NAA60: variants seen among roughly 807,000 people sequenced by gnomAD.
The protein encoded by NAA60 is N-alpha-acetyltransferase 60.
A neutral mutation model predicts 26.1 loss-of-function variants in NAA60; 8 were observed. That is an observed-to-expected ratio of 0.31 (90% CI 0.18 to 0.55). The LOEUF (loss-of-function observed/expected upper bound fraction) is 0.55, where lower values mean the gene tolerates loss of function less well. NAA60 is among the 20% of genes least tolerant of loss of function. The pLI is 0.93. For synonymous variants in NAA60, 131 were observed against 122.5 expected (o/e 1.07, Z -0.46); for missense variants, 290 against 311.3 (o/e 0.93, Z 0.51).
intron 2 of NAA60, among the ~76,000 whole-genome samples, chr16:3,449,352 A>G (rs140862274): frequency 1.0e-3 from 158 of 152,248 alleles, no homozygotes; most frequent in African/African-American, 3.5e-3. Flanking sequence ...CCCCATCTTT[A>G]CTAAAAATAC....
Position 3,448,460 on chromosome 16 carries a change from C to G in NAA60, c.-76-11C>G, listed in dbSNP as rs1374515162. ...AGTGAAGTGATGGCCTTGTGTCTTT[C>G]TCCCCTGCAGCATACAGAAAGGCTG... On this transcript the variant is annotated splice_polypyrimidine_tract_variant and intron_variant, in intron 1 of 7. Transcript: ENST00000407558. 6.5e-7 allele frequency: 1 copy of G among 1,535,096 alleles called. No homozygotes were observed. The highest frequency in any genetic ancestry group is 1.2e-5 in the South Asian group (1 of 84,010).
intron 2 of NAA60, among the ~76,000 whole-genome samples, chr16:3,469,789 G>A (rs1324263348): frequency 6.6e-6 from 1 of 152,240 alleles, no homozygotes; most frequent in Non-Finnish European, 1.5e-5. Flanking sequence ...GTTCTAGGTG[G>A]GCACATGAGG....
chr16:3,453,500 C>T (rs574601179), intron 2 of NAA60, among the ~76,000 whole-genome samples: 1 of 152,274 alleles, frequency 6.6e-6, no homozygotes, highest in East Asian at 1.9e-4. Context: ...CCTCTGCCTT[C>T]CAGGTTCAAG....
chr16:3,458,651 G>A (rs1008899577), intron 2 of NAA60, among the ~76,000 whole-genome samples: 7 of 152,174 alleles, frequency 4.6e-5, no homozygotes, highest in African/African-American at 1.7e-4. Flanking sequence ...GCGCCGATTG[G>A]AGTCATCTGC....
intron 5 of NAA60, chr16:3,482,873 C>G: frequency 5.5e-6 from 3 of 545,948 alleles, no homozygotes; most frequent in South Asian, 4.2e-5. Context: ...GCTGAGGAAA[C>G]TGGCACCTCT....
rs2036975974 is a variant in NAA60 at position 3,483,485 on chromosome 16, G to C, written c.460G>C (p.Asp154His). Residue 154 changes from aspartate (D) to histidine (H), a missense_variant, in exon 6 of 8, where the codon GAC becomes CAC. Coordinates refer to ENST00000407558, the MANE Select transcript of NAA60 (RefSeq NM_001083601.3). The part of the protein sequence containing the change: ...NTAINFYENR[D>H]FKQHHYLPYY... Reference sequence around the variant, plus strand: ...AGCAATAAACTTCTATGAAAACAGAGACTTCAAGCAGCACCACTATCTCCC... The same window carrying C: ...AGCAATAAACTTCTATGAAAACAGACACTTCAAGCAGCACCACTATCTCCC... 6.2e-7 allele frequency: 1 copy of C among 1,613,820 alleles called. No individual in the cohort carries two copies. Among genetic ancestry groups the C allele is most frequent in the Admixed American group, 1.7e-5 (1 of 59,998 alleles).
At chr16:3,467,139 T>G (rs1204365233) in intron 2 of NAA60, among the ~76,000 whole-genome samples, 1 of 152,056 alleles carries the variant, frequency 6.6e-6, no homozygotes, top group Non-Finnish European at 1.5e-5. Context: ...GGGGGCGGCC[T>G]TTAGAAGCAG....
In NAA60 at chr16:3,459,885, G is replaced by A. The variant is rs374320946; in HGVS notation, c.-7+11345G>A. The stretch of plus-strand genomic sequence containing the variant: ...GTATCTTTAGATGTGACTTATCTGG[G>A]TTGCTTAGCAACAGCATGCTTCAGA... On this transcript the variant is annotated intron_variant, in intron 2 of 7. Coordinates refer to ENST00000407558, the MANE Select transcript of NAA60 (RefSeq NM_001083601.3). Among the ~76,000 whole-genome samples, 14 of 152,280 alleles carry A rather than the reference G, an allele frequency of 9.2e-5. No homozygotes were observed. The East Asian group carries it at 1.3e-3, about 15-fold the overall frequency.
At chr16:3,464,787 A>G (rs1175349548) in intron 2 of NAA60, among the ~76,000 whole-genome samples, 1 of 152,182 alleles carries the variant, frequency 6.6e-6, no homozygotes, top group Non-Finnish European at 1.5e-5. Context: ...TAGGAAATAT[A>G]TTCCAGGCAC....
chr16:3,473,690 A>G (rs533992283), intron 2 of NAA60, among the ~76,000 whole-genome samples: 1 of 151,236 alleles, frequency 6.6e-6, no homozygotes, highest in Non-Finnish European at 1.5e-5. Context: ...GCGAGCCACC[A>G]TGCTTGGCCC....
chr16:3,455,776 C>T (rs1343302574), intron 2 of NAA60, among the ~76,000 whole-genome samples: 1 of 152,000 alleles, frequency 6.6e-6, no homozygotes. Context: ...GGCGCGATCT[C>T]GGCTCACTGC....
intron 2 of NAA60, among the ~76,000 whole-genome samples, chr16:3,460,051 G>C (rs2035278763): frequency 6.6e-6 from 1 of 152,178 alleles, no homozygotes; most frequent in African/African-American, 2.4e-5. Context: ...CCTGTTAGCG[G>C]TGGTTAGACG....
At chr16:3,458,128 C>A (rs2035104637) in intron 2 of NAA60, 1 of 985,148 alleles carries the variant, frequency 1.0e-6, no homozygotes, top group South Asian at 4.7e-5. Context: ...CCCTTCGCCT[C>A]CAGGATGCGC....
chr16:3,475,711 A>T (rs1596341599), intron 2 of NAA60, among the ~76,000 whole-genome samples: 1 of 152,172 alleles, frequency 6.6e-6, no homozygotes, highest in East Asian at 1.9e-4. Flanking sequence ...CACTCAGCAC[A>T]AACCCACGCC....
At chr16:3,449,999 A>T in intron 2 of NAA60, 1 of 397,786 alleles carries the variant, frequency 2.5e-6, no homozygotes, top group Non-Finnish European at 4.4e-6. Context: ...TGTCTTTATC[A>T]GCAGTGTGAA....
chr16:3,467,676 G>C (rs1263481369), intron 2 of NAA60: 7 of 152,226 alleles, frequency 4.6e-5, no homozygotes, highest in Admixed American at 4.6e-4. Flanking sequence ...GTGTCCCCCA[G>C]ATTCTGAGTT....
chr16:3,483,608 C>A lies in NAA60; in HGVS notation c.572+11C>A, dbSNP rs750387795. On this transcript the variant is annotated intron_variant, in intron 6 of 7. Transcript: ENST00000407558. ...TCCCTGGACGATTTTATATCCTTAA[C>A]TTCTGGGGGAGAGGGACTGTGGCTT... is the stretch of plus-strand genomic sequence containing the variant. 2 of 1,597,142 alleles carry A rather than the reference C, an allele frequency of 1.3e-6. No individual in the cohort carries two copies. The highest frequency in any genetic ancestry group is 1.7e-4 in the Middle Eastern group (1 of 6,038).
At chr16:3,464,151 A>G (rs2035592979) in intron 2 of NAA60, among the ~76,000 whole-genome samples, 1 of 152,128 alleles carries the variant, frequency 6.6e-6, no homozygotes. Flanking sequence ...CTCCTGCCTC[A>G]GCCTCCCAAG....
chr16:3,454,029 G>A (rs774606483), intron 2 of NAA60, among the ~76,000 whole-genome samples: 87 of 152,260 alleles, frequency 5.7e-4, no homozygotes, highest in Middle Eastern at 3.4e-3. Context: ...GAGAGCCTGG[G>A]GATTGTCGGA....
Sources: gnomAD v4.1 joint callset for allele counts (sites outside exome capture counted in the v4.1 genomes callset) on GRCh38, gnomAD v4.1.1 for gene constraint, MANE v1.5 for transcripts, NCBI Gene and HGNC (gene_info 2026-07-23, HGNC 2026-07-21) for gene names.